The following LDLRAD4 variants were observed in gnomAD, a reference collection of about 807,000 sequenced individuals.
The protein encoded by LDLRAD4 is low-density lipoprotein receptor class A domain-containing protein 4.
Under a neutral mutation model 17.0 loss-of-function variants are expected in LDLRAD4, and 5 were observed. The observed-to-expected ratio is 0.29, with a 90% CI of 0.15 to 0.62. The LOEUF (loss-of-function observed/expected upper bound fraction) is 0.62. Ranked by LOEUF, LDLRAD4 falls within the 20% of genes least tolerant of loss-of-function variation. LDLRAD4 has a pLI of 0.84. For missense variants in LDLRAD4, 340 were observed against 424.7 expected, an observed-to-expected ratio of 0.80 and a Z score of 1.75; for synonymous variants, 168 against 171.8, an observed-to-expected ratio of 0.98 and a Z score of 0.17.
intron 4 of LDLRAD4, among the ~76,000 whole-genome samples, chr18:13,627,014 A>G (rs2041228977): frequency 1.3e-5 from 2 of 152,250 alleles, no homozygotes; most frequent in African/African-American, 4.8e-5. Flanking sequence ...TCACGCCTAT[A>G]ATCTCAGCAC....
intron 2 of LDLRAD4, among the ~76,000 whole-genome samples, chr18:13,426,982 G>C (rs969022952): frequency 6.6e-6 from 1 of 152,060 alleles, no homozygotes; most frequent in African/African-American, 2.4e-5. Context: ...TTAGCAGATT[G>C]AGACCATCCT....
chr18:13,244,373 G>T (rs969654697), intron 1 of LDLRAD4, among the ~76,000 whole-genome samples: 1 of 151,410 alleles, frequency 6.6e-6, no homozygotes, highest in African/African-American at 2.4e-5. Flanking sequence ...CCACCCATCT[G>T]TCCTAACATC....
At chr18:13,370,716 T>TTTTTTTTTGTTTGG (rs1555663274) in intron 1 of LDLRAD4, among the ~76,000 whole-genome samples, 1 of 8,842 alleles carries the variant, frequency 1.1e-4, no homozygotes, top group Non-Finnish European at 1.2e-3. Context: ...TTGTTTTGTT[T>TTTTTTTTTGTTTGG]TTTTTTTTTT....
At chr18:13,262,725 C>T (rs113334045) in intron 1 of LDLRAD4, among the ~76,000 whole-genome samples, 5 of 95,990 alleles carry the variant, frequency 5.2e-5, no homozygotes, top group Admixed American at 1.0e-4. Flanking sequence ...GAGTCCCGTG[C>T]GGCTCCGTGC....
intron 1 of LDLRAD4, among the ~76,000 whole-genome samples, chr18:13,264,442 G>T (rs1042278241): frequency 6.6e-6 from 1 of 152,264 alleles, no homozygotes; most frequent in South Asian, 2.1e-4. Context: ...AGGAACGAAT[G>T]GTTTCTGAAG....
intron 3 of LDLRAD4, chr18:13,464,867 T>C (rs2092562976): frequency 7.4e-6 from 1 of 134,704 alleles, no homozygotes. Flanking sequence ...AAAATGAGGC[T>C]CCGTGCTCCA....
At chr18:13,533,490 A>T (rs1261459599) in intron 3 of LDLRAD4, among the ~76,000 whole-genome samples, 9 of 152,196 alleles carry the variant, frequency 5.9e-5, no homozygotes, top group Non-Finnish European at 1.5e-5. Flanking sequence ...TTTTTTTCAT[A>T]TTCTTTGCAT....
At chr18:13,422,224 G>T (rs2089534310) in intron 2 of LDLRAD4, among the ~76,000 whole-genome samples, 1 of 152,212 alleles carries the variant, frequency 6.6e-6, no homozygotes, top group Admixed American at 6.5e-5. Flanking sequence ...GGCTTACACT[G>T]TGGGAGGTCA....
At chr18:13,298,593 T>G (rs1205986941) in intron 1 of LDLRAD4, among the ~76,000 whole-genome samples, 5 of 133,268 alleles carry the variant, frequency 3.8e-5, no homozygotes, top group Admixed American at 7.4e-5. Context: ...CATGGTGATG[T>G]TGCTGCTTTG....
intron 3 of LDLRAD4, among the ~76,000 whole-genome samples, chr18:13,470,109 A>T (rs987972883): frequency 3.9e-5 from 6 of 152,202 alleles, no homozygotes; most frequent in African/African-American, 1.4e-4. Flanking sequence ...ATGGTGGAGC[A>T]GTTGCCCTTT....
exon 6 of LDLRAD4, chr18:13,649,001 C>G (rs2149030233): frequency 6.6e-6 from 1 of 152,292 alleles, no homozygotes; most frequent in South Asian, 2.1e-4. Flanking sequence ...AATACAGAAG[C>G]TTGACAAGCA....
At chr18:13,340,525 TG>T (rs1158636770) in intron 1 of LDLRAD4, among the ~76,000 whole-genome samples, 1 of 152,218 alleles carries the variant, frequency 6.6e-6, no homozygotes, top group African/African-American at 2.4e-5. Context: ...ATTGGTCATT[TG>T]TGTATCTTCT....
At chr18:13,346,722 G>T (rs2082713150) in intron 1 of LDLRAD4, among the ~76,000 whole-genome samples, 1 of 152,150 alleles carries the variant, frequency 6.6e-6, no homozygotes, top group African/African-American at 2.4e-5. Context: ...AAGTCTCTTT[G>T]TAGGTCTCTA....
At chr18:13,637,949 C>A (rs1470668125) in intron 4 of LDLRAD4, among the ~76,000 whole-genome samples, 4 of 135,190 alleles carry the variant, frequency 3.0e-5, no homozygotes, top group African/African-American at 1.1e-4. Context: ...AGCAAGTAAC[C>A]ATTACCTGTG....
intron 2 of LDLRAD4, among the ~76,000 whole-genome samples, chr18:13,425,694 G>A (rs1246754793): frequency 2.6e-5 from 4 of 152,210 alleles, no homozygotes; most frequent in African/African-American, 9.6e-5. Context: ...GAGGACCAGC[G>A]TGAGTTTTCC....
intron 1 of LDLRAD4, among the ~76,000 whole-genome samples, chr18:13,342,649 A>G (rs2082441650): frequency 6.6e-6 from 1 of 151,428 alleles, no homozygotes; most frequent in African/African-American, 2.4e-5. Context: ...TATAGCCACC[A>G]CTGCTCTCTT....
Position 13,645,224 on chromosome 18 carries a change from A to T in LDLRAD4, c.488A>T (p.Gln163Leu). Residue 163 changes from glutamine (Q) to leucine (L), a missense_variant, in exon 6 of 6, where the codon CAG (glutamine) becomes CTG (leucine). Gln to Leu is a moderately radical substitution (Grantham distance 113). Coordinates refer to ENST00000359446, the Ensembl canonical transcript of LDLRAD4. This position sits in a 1 kb window ranked among gnomAD's most constrained non-coding sequence, Gnocchi z 5.7. ...TTCCAGCCCACCTACCCCTATGTGC[A>T]GCACGAGATTGATCTTCCTCCCACC... is the stretch of plus-strand genomic sequence containing the variant. The T allele has an allele frequency of 6.2e-7, 1 of 1,614,124 alleles. No individual in the cohort carries two copies. Among genetic ancestry groups the T allele is most frequent in the Non-Finnish European group, 8.5e-7 (1 of 1,180,006 alleles).
At chr18:13,532,994 G>A (rs1175404698) in intron 3 of LDLRAD4, among the ~76,000 whole-genome samples, 3 of 152,194 alleles carry the variant, frequency 2.0e-5, no homozygotes, top group Non-Finnish European at 4.4e-5. Flanking sequence ...AATGAGCCTC[G>A]TTTGGCTGGA....
chr18:13,224,474 C>CT (rs10676168), intron 1 of LDLRAD4, among the ~76,000 whole-genome samples: 41,015 of 87,894 alleles, frequency 0.47, 11,353 homozygotes, highest in East Asian at 0.63. Context: ...TTCTTTCTTT[C>CT]TTTTTTTTTT....
Sources: gnomAD v4.1 joint callset for allele counts (sites outside exome capture counted in the v4.1 genomes callset) on GRCh38, gnomAD v4.1.1 for gene constraint, Gnocchi (gnomAD v3.1) non-coding constraint, MANE v1.5 for transcripts, NCBI Gene and HGNC (gene_info 2026-07-23, HGNC 2026-07-21) for gene names.